GRHL2: variants seen among roughly 807,000 people sequenced by gnomAD.
The protein encoded by GRHL2 is grainyhead like transcription factor 2.
A neutral mutation model predicts 83.8 loss-of-function variants in GRHL2; 21 were observed. The ratio of observed to expected loss-of-function variants is 0.25; its 90% CI spans 0.18 to 0.36. GRHL2 has a LOEUF of 0.36. Among genes scored for constraint, GRHL2 ranks in the 10% least tolerant of loss-of-function variants. GRHL2 has a pLI of 1.00. For missense variants in GRHL2, 623 were observed against 781.8 expected, an observed-to-expected ratio of 0.80 and a Z score of 2.42; for synonymous variants, 280 against 278.9, an observed-to-expected ratio of 1.00 and a Z score of -0.04.
At chr8:101,662,870 C>T (rs7825596) in intron 14 of GRHL2, among the ~76,000 whole-genome samples, 49,132 of 127,040 alleles carry the variant, frequency 0.39, 9,091 homozygotes, top group African/African-American at 0.53. Flanking sequence ...CATATATATA[C>T]ATATATATAT....
intron 1 of GRHL2, among the ~76,000 whole-genome samples, chr8:101,520,281 A>C (rs1810657094): frequency 1.3e-5 from 2 of 152,222 alleles, no homozygotes; most frequent in Admixed American, 1.3e-4. Flanking sequence ...GTAGTATGTG[A>C]GGTTACAAAT....
intron 14 of GRHL2, among the ~76,000 whole-genome samples, chr8:101,657,631 G>A (rs1813822224): frequency 6.6e-6 from 1 of 152,120 alleles, no homozygotes; most frequent in African/African-American, 2.4e-5. Flanking sequence ...ACGAGGTCAG[G>A]AGATTGAGAC....
chr8:101,523,309 A>T (rs892408999), intron 1 of GRHL2, among the ~76,000 whole-genome samples: 2 of 151,582 alleles, frequency 1.3e-5, no homozygotes, highest in South Asian at 4.2e-4. Context: ...TTCCTTGGAG[A>T]GGGGAACTGC....
At chr8:101,540,931 A>G (rs1229563891) in intron 1 of GRHL2, among the ~76,000 whole-genome samples, 1 of 152,068 alleles carries the variant, frequency 6.6e-6, no homozygotes. Flanking sequence ...TGTCACCTGA[A>G]TAGTGTACAT....
chr8:101,652,360 TG>T (rs1813652232), intron 14 of GRHL2, among the ~76,000 whole-genome samples: 4 of 49,816 alleles, frequency 8.0e-5, no homozygotes, highest in Admixed American at 2.3e-4. Context: ...GTGTGTGTGG[TG>T]TGTGTGTGTC....
intron 4 of GRHL2, among the ~76,000 whole-genome samples, chr8:101,566,199 A>G (rs901627281): frequency 8.5e-5 from 13 of 152,212 alleles, no homozygotes; most frequent in African/African-American, 2.4e-4. Context: ...CACTTTGTTA[A>G]TGTGTTTTAG....
intron 1 of GRHL2, among the ~76,000 whole-genome samples, chr8:101,535,096 C>G (rs992872689): frequency 2.0e-5 from 3 of 152,144 alleles, no homozygotes; most frequent in African/African-American, 7.2e-5. Context: ...TGGTAAAGTT[C>G]TATATGATAG....
intron 15 of GRHL2, among the ~76,000 whole-genome samples, chr8:101,665,361 A>T (rs1814027030): frequency 1.3e-5 from 2 of 152,222 alleles, no homozygotes; most frequent in Non-Finnish European, 2.9e-5. Flanking sequence ...AAAAGGCAGA[A>T]GATGAGTCAA....
chr8:101,570,091 CTG>C (rs1811791499), intron 4 of GRHL2, among the ~76,000 whole-genome samples: 1 of 152,202 alleles, frequency 6.6e-6, no homozygotes, highest in Non-Finnish European at 1.5e-5. Flanking sequence ...ACCTCAAACT[CTG>C]TAGGAACACC....
intron 4 of GRHL2, among the ~76,000 whole-genome samples, chr8:101,559,351 T>TGAAAAAAAAA (rs1285229771): frequency 5.2e-5 from 1 of 19,230 alleles, no homozygotes. Flanking sequence ...CTACTAAAAA[T>TGAAAAAAAAA]ACAAAAAAAA....
intron 1 of GRHL2, among the ~76,000 whole-genome samples, chr8:101,521,813 C>T (rs1810691028): frequency 6.6e-6 from 1 of 152,050 alleles, no homozygotes; most frequent in Non-Finnish European, 1.5e-5. Flanking sequence ...TTTTTGTTAG[C>T]TTTTAGAGAA....
chr8:101,564,425 A>G (rs1390378109), intron 4 of GRHL2, among the ~76,000 whole-genome samples: 1 of 152,198 alleles, frequency 6.6e-6, no homozygotes, highest in African/African-American at 2.4e-5. Flanking sequence ...GTGTATGTGC[A>G]CGTGCATGTG....
chr8:101,542,117 A>G (rs1811165915), intron 1 of GRHL2, among the ~76,000 whole-genome samples: 1 of 152,242 alleles, frequency 6.6e-6, no homozygotes, highest in Non-Finnish European at 1.5e-5. Context: ...GGGTTGGTCT[A>G]TAATTTGCTA....
chr8:101,507,971 T>C (rs1389089728), intron 1 of GRHL2, among the ~76,000 whole-genome samples: 1 of 151,942 alleles, frequency 6.6e-6, no homozygotes, highest in Admixed American at 6.6e-5. Context: ...TCAGCAGGAA[T>C]ATTGGGGTTT....
At chr8:101,502,579 C>G (rs1468867268) in intron 1 of GRHL2, among the ~76,000 whole-genome samples, 1 of 152,222 alleles carries the variant, frequency 6.6e-6, no homozygotes, top group Non-Finnish European at 1.5e-5. Flanking sequence ...AATGGGCTGG[C>G]AGGGACGCTG....
chr8:101,556,726 C>T (rs371917382), intron 3 of GRHL2, among the ~76,000 whole-genome samples: 2 of 152,138 alleles, frequency 1.3e-5, no homozygotes, highest in East Asian at 1.9e-4. Context: ...AGCTCATGTT[C>T]TCTCTCAATT....
At chr8:101,539,368 C>T (rs1330528612) in intron 1 of GRHL2, among the ~76,000 whole-genome samples, 1 of 152,150 alleles carries the variant, frequency 6.6e-6, no homozygotes, top group African/African-American at 2.4e-5. Flanking sequence ...CATGCCTGTG[C>T]CTTCATGGGC....
Position 101,538,504 on chromosome 8 carries a change from T to G in GRHL2, c.21-4737T>G, listed in dbSNP as rs1284439027. Among the ~76,000 whole-genome samples, 4 of 152,172 alleles carry G rather than the reference T, an allele frequency of 2.6e-5. No homozygotes were observed. The East Asian group carries it at 7.7e-4, about 29-fold the overall frequency. ...GTGATTGCTCTGGCGATCCCCAAAA[T>G]TTTCCTCCAAAGCAGGACCTTGGGA... is the stretch of plus-strand genomic sequence containing the variant. On this transcript the variant is annotated intron_variant, in intron 1 of 15. Transcript: ENST00000646743.
chr8:101,492,724 G>C lies in GRHL2; in HGVS notation c.-46G>C, dbSNP rs1292628783. ...CAGACTTGAAAGTCCAGTTTCACCA[G>C]AGGCTGAGGCTCCAGGAAAAGCGGA... On this transcript the variant is annotated 5_prime_UTR_variant, in exon 1 of 16. Coordinates refer to ENST00000646743, the MANE Select transcript of GRHL2 (RefSeq NM_024915.4). The C allele has an allele frequency of 2.5e-6, 4 of 1,589,424 alleles. No individual in the cohort carries two copies. In the East Asian group the frequency reaches 6.7e-5, roughly 27 times the overall value.
Sources: gnomAD v4.1 joint callset for allele counts (sites outside exome capture counted in the v4.1 genomes callset) on GRCh38, gnomAD v4.1.1 for gene constraint, MANE v1.5 for transcripts, NCBI Gene and HGNC (gene_info 2026-07-23, HGNC 2026-07-21) for gene names.